EPHA6: variants seen among roughly 807,000 people sequenced by gnomAD.
The protein encoded by EPHA6 is EPH receptor A6.
EPHA6 carries 50 observed loss-of-function variants against 112.0 expected under a neutral mutation model. That is an observed-to-expected ratio of 0.45 (90% confidence interval 0.36 to 0.56). The LOEUF is 0.56. Ranked by LOEUF, EPHA6 falls within the 20% of genes least tolerant of loss-of-function variation. The pLI, the probability that EPHA6 is intolerant of heterozygous loss-of-function variation, is 0.00. For synonymous variants in EPHA6, 529 were observed against 490.7 expected (o/e 1.08, Z -1.03); for missense variants, 1,280 against 1,417.4 (o/e 0.90, Z 1.56).
At chr3:97,372,107 G>C (rs1260829502) in intron 5 of EPHA6, among the ~76,000 whole-genome samples, 1 of 151,948 alleles carries the variant, frequency 6.6e-6, no homozygotes, top group Non-Finnish European at 1.5e-5. Context: ...TGATCTCTGT[G>C]ACCCACACCC....
At chr3:97,623,820 A>G (rs2093832872) in intron 13 of EPHA6, among the ~76,000 whole-genome samples, 1 of 151,670 alleles carries the variant, frequency 6.6e-6, no homozygotes, top group South Asian at 2.1e-4. Context: ...ATCATACATG[A>G]AAAGGTTTAT....
At chr3:97,278,178 ATTTC>A (rs769395194) in intron 5 of EPHA6, among the ~76,000 whole-genome samples, 2 of 152,190 alleles carry the variant, frequency 1.3e-5, no homozygotes, top group Non-Finnish European at 2.9e-5. Flanking sequence ...TTTCTCATAC[ATTTC>A]TTTAAAGCAA....
chr3:97,525,953 T>C (rs921791299), intron 10 of EPHA6, among the ~76,000 whole-genome samples: 1 of 152,128 alleles, frequency 6.6e-6, no homozygotes, highest in African/African-American at 2.4e-5. Flanking sequence ...TCCTGTTGGA[T>C]AACTAAATGA....
chr3:97,450,110 A>G (rs1485786593), intron 7 of EPHA6, among the ~76,000 whole-genome samples: 1 of 152,096 alleles, frequency 6.6e-6, no homozygotes, highest in Non-Finnish European at 1.5e-5. Flanking sequence ...GGTGGAGACT[A>G]TTGACTTTTT....
At chr3:96,925,167 A>G (rs1449377605) in intron 2 of EPHA6, among the ~76,000 whole-genome samples, 2 of 152,178 alleles carry the variant, frequency 1.3e-5, no homozygotes, top group Non-Finnish European at 2.9e-5. Flanking sequence ...TCATAGAATG[A>G]GTCAGGGAGG....
intron 5 of EPHA6, among the ~76,000 whole-genome samples, chr3:97,320,829 A>T (rs1159609274): frequency 1.4e-5 from 2 of 141,242 alleles, no homozygotes; most frequent in Non-Finnish European, 3.0e-5. Flanking sequence ...AAAATAAAAA[A>T]AATAAAAAAA....
At chr3:97,093,505 G>A (rs369850175) in intron 3 of EPHA6, among the ~76,000 whole-genome samples, 79 of 152,114 alleles carry the variant, frequency 5.2e-4, no homozygotes, top group African/African-American at 1.2e-3. Context: ...GGCTGAGATC[G>A]TGTAACTGCA....
rs201688987 is a variant in EPHA6, at chr3:97,323,984, T to TA, written c.1606+79707dup. Among the ~76,000 whole-genome samples, 226 of 149,394 alleles carry TA rather than the reference T, an allele frequency of 1.5e-3. 2 individuals are homozygous for TA. Among genetic ancestry groups the TA allele is most frequent in the African/African-American group, 4.3e-3 (175 of 40,820 alleles). On this transcript the variant is annotated intron_variant, in intron 5 of 17. Coordinates refer to ENST00000389672, the MANE Select transcript of EPHA6 (RefSeq NM_001080448.3). The stretch of plus-strand genomic sequence containing the variant: ...TATGAATTGAAGCAATTTTTCTCTT[T>TA]AAAAAAAAAATGCAGCTTCTGTTGA...
At chr3:97,553,340 C>T (rs1163088066) in intron 11 of EPHA6, among the ~76,000 whole-genome samples, 1 of 152,050 alleles carries the variant, frequency 6.6e-6, no homozygotes, top group Non-Finnish European at 1.5e-5. Flanking sequence ...CCTCACAAGG[C>T]TGTCTTTCAA....
At chr3:97,581,803 A>T (rs2093441116) in intron 11 of EPHA6, among the ~76,000 whole-genome samples, 1 of 152,254 alleles carries the variant, frequency 6.6e-6, no homozygotes, top group Non-Finnish European at 1.5e-5. Context: ...GAGGGAGCAC[A>T]GATGAGGGCA....
At chr3:97,169,737 T>C (rs527241092) in intron 3 of EPHA6, among the ~76,000 whole-genome samples, 1 of 152,312 alleles carries the variant, frequency 6.6e-6, no homozygotes, top group South Asian at 2.1e-4. Flanking sequence ...TCATTTTACC[T>C]CACCTTAGTT....
chr3:97,276,835 A>G (rs1168114629), intron 5 of EPHA6, among the ~76,000 whole-genome samples: 2 of 152,114 alleles, frequency 1.3e-5, no homozygotes, highest in African/African-American at 4.8e-5. Flanking sequence ...GAGAGGTGGG[A>G]TAAGGAAAAA....
At chr3:97,302,336 T>C (rs1252782936) in intron 5 of EPHA6, among the ~76,000 whole-genome samples, 1 of 152,104 alleles carries the variant, frequency 6.6e-6, no homozygotes, top group Non-Finnish European at 1.5e-5. Flanking sequence ...TGAACTGCTC[T>C]TGTCATAATA....
chr3:97,559,543 T>C, intron 11 of EPHA6: 1 of 438,720 alleles, frequency 2.3e-6, no homozygotes, highest in Admixed American at 2.6e-5. Flanking sequence ...GAGGAATTTC[T>C]ACCAAACCTG....
intron 3 of EPHA6, among the ~76,000 whole-genome samples, chr3:96,991,395 G>A (rs1050152469): frequency 1.3e-5 from 2 of 152,124 alleles, no homozygotes; most frequent in African/African-American, 2.4e-5. Flanking sequence ...CTTGACTTGA[G>A]TTGGAATGTC....
intron 11 of EPHA6, among the ~76,000 whole-genome samples, chr3:97,558,364 G>A (rs1267287352): frequency 6.6e-6 from 1 of 152,044 alleles, no homozygotes; most frequent in Non-Finnish European, 1.5e-5. Flanking sequence ...AGGATTGACA[G>A]TTTTCATCTC....
chr3:97,046,695 T>C (rs1016938409), intron 3 of EPHA6, among the ~76,000 whole-genome samples: 5 of 152,122 alleles, frequency 3.3e-5, no homozygotes, highest in African/African-American at 1.2e-4. Context: ...CAAAAGCCAG[T>C]AGTAATTCTA....
chr3:96,961,127 T>C (rs1005761588), intron 2 of EPHA6, among the ~76,000 whole-genome samples: 8 of 152,240 alleles, frequency 5.3e-5, no homozygotes, highest in African/African-American at 1.9e-4. Context: ...AGGGCAGGTT[T>C]CATCTTGCCA....
chr3:97,094,342 T>C (rs2047171460), intron 3 of EPHA6, among the ~76,000 whole-genome samples: 1 of 152,152 alleles, frequency 6.6e-6, no homozygotes, highest in Admixed American at 6.6e-5. Context: ...AGTGACTTGG[T>C]AGAATTTAAT....
Sources: allele counts gnomAD v4.1 joint callset (sites outside exome capture counted in the v4.1 genomes callset), GRCh38; gene constraint gnomAD v4.1.1; transcripts MANE v1.5; gene names NCBI Gene and HGNC (gene_info 2026-07-23, HGNC 2026-07-21).